The following ZNF7 variants were observed in gnomAD, a reference collection of about 807,000 sequenced individuals.
ZNF7 encodes the protein C2-H2 type zinc finger protein.
In ZNF7, 10 loss-of-function variants were observed where a neutral mutation model predicts 12.0. That is an observed-to-expected ratio of 0.83 (90% CI 0.51 to 1.42). ZNF7 has a LOEUF of 1.42. Ranked by LOEUF, ZNF7 falls within the 40% of genes most tolerant of loss-of-function variation. The pLI, the probability that ZNF7 is intolerant of heterozygous loss-of-function variation, is 0.00. For synonymous variants in ZNF7, 334 were observed against 295.0 expected (o/e 1.13, Z -1.35); for missense variants, 854 against 837.2 (o/e 1.02, Z -0.25).
intron 2 of ZNF7, 92 bp from the exon 3 acceptor site, chr8:144,829,386 C>T: frequency 6.3e-7 from 1 of 1,588,662 alleles, no homozygotes; most frequent in Non-Finnish European, 8.6e-7. Context: ...CGCCCAACCC[C>T]ATGGGGCAGC....
chr8:144,841,748 A>C lies in ZNF7; in HGVS notation c.641A>C (p.His214Pro). Reference protein sequence around the residue: ...GIRATSDIALHWEINTQKISR... With the variant: ...GIRATSDIALPWEINTQKISR... ...AGAGCCACTTCAGATATCGCTCTGC[A>C]TTGGGAAATTAATACACAGAAAATT... is the stretch of plus-strand genomic sequence containing the variant. The change falls in exon 5 of 5, where the codon CAT (histidine) becomes CCT (proline). Residue 214 changes from histidine (H) to proline (P), a missense_variant. By Grantham distance (77) the His-to-Pro change is moderately conservative. Transcript: ENST00000532777. 1 of 1,614,202 alleles carries C rather than the reference A, an allele frequency of 6.2e-7. No homozygotes were observed. Among genetic ancestry groups the C allele is most frequent in the Non-Finnish European group, 8.5e-7 (1 of 1,180,050 alleles).
Position 144,832,222 on chromosome 8 carries a change from T to G in ZNF7, c.130+2618T>G, listed in dbSNP as rs1339595847. 2.3e-5 allele frequency among the ~76,000 whole-genome samples: 2 copies of G among 88,006 alleles called. 1 individual carries two copies. The highest frequency in any genetic ancestry group is 6.7e-5 in the African/African-American group (2 of 29,870). 57.7% of individuals were successfully genotyped at this position (88,006 alleles called of 152,430 possible). Reference sequence around the variant, plus strand: ...TCAAATCAGGAGTTCAAGACCAGCCTGGGCAACACAGTGAAACCCTGTCTT... The same window carrying G: ...TCAAATCAGGAGTTCAAGACCAGCCGGGGCAACACAGTGAAACCCTGTCTT... On this transcript the variant is annotated intron_variant, in intron 3 of 4. Coordinates refer to ENST00000532777, the MANE Select transcript of ZNF7 (RefSeq NM_003416.4).
At position 144,843,414 on chromosome 8, in the gene ZNF7, C is replaced by T. The variant is rs544668647; in HGVS notation, c.*246C>T. 9 of 376,876 alleles carry T rather than the reference C, an allele frequency of 2.4e-5. No individual in the cohort carries two copies. The highest frequency in any genetic ancestry group is 9.1e-5 in the East Asian group (2 of 22,002). 23.3% of individuals were successfully genotyped at this position (376,876 alleles called of 1,614,324 possible). On this transcript the variant is annotated 3_prime_UTR_variant, in exon 5 of 5. Transcript: ENST00000532777. Reference sequence around the variant, plus strand: ...ACCATCCTGGGTAACAGGTGAAACCCCATCTCTACTAAAAATACAAAAATT... The same window carrying T: ...ACCATCCTGGGTAACAGGTGAAACCTCATCTCTACTAAAAATACAAAAATT...
At chr8:144,833,340 TG>T (rs367869104) in intron 3 of ZNF7, among the ~76,000 whole-genome samples, 5,957 of 149,936 alleles carry the variant, frequency 0.04, 382 homozygotes, top group African/African-American at 0.14. Flanking sequence ...TGGTTTGTTT[TG>T]GTTTTTTTTT....
intron 4 of ZNF7, chr8:144,838,574 G>A (rs1829369199): frequency 6.0e-6 from 1 of 165,512 alleles, no homozygotes. Flanking sequence ...CAGCAGGGCA[G>A]GACCAGGTCC....
chr8:144,829,676 G>C, intron 3 of ZNF7, 72 bp downstream of exon 3: 1 of 1,537,192 alleles, frequency 6.5e-7, no homozygotes, highest in Non-Finnish European at 8.8e-7. Flanking sequence ...CTCCATCAGA[G>C]GCTGGGGTAT....
intron 4 of ZNF7, 48 bp downstream of exon 4, chr8:144,837,555 T>G (rs1310876789): frequency 7.0e-7 from 1 of 1,429,052 alleles, no homozygotes; most frequent in East Asian, 2.3e-5. Flanking sequence ...GAGGAGAAAC[T>G]GCAGGAGGGG....
At chr8:144,828,720 C>T (rs1449323805) in intron 1 of ZNF7, 5 of 336,182 alleles carry the variant, frequency 1.5e-5, no homozygotes, top group Non-Finnish European at 5.7e-6. Context: ...TAACTCTTTC[C>T]TCCGCCAGAC....
intron 1 of ZNF7, 144 bp downstream of exon 1, chr8:144,827,753 C>T (rs1189302257): frequency 1.1e-6 from 1 of 908,774 alleles, no homozygotes; most frequent in Admixed American, 6.2e-5. Flanking sequence ...TTTGCGGGGC[C>T]TTGAGCGCCT....
intron 4 of ZNF7, chr8:144,838,397 G>A (rs1381932210): frequency 1.5e-5 from 7 of 471,482 alleles, no homozygotes; most frequent in Admixed American, 7.4e-5. Context: ...CACTGCCTCC[G>A]GCATCAGCTC....
intron 1 of ZNF7, 98 bp from the exon 2 acceptor site, chr8:144,828,945 C>A (rs746713505): frequency 6.8e-7 from 1 of 1,467,252 alleles, no homozygotes; most frequent in Non-Finnish European, 9.3e-7. Context: ...AAATCTGGGG[C>A]TGGAGGTAAA....
chr8:144,828,659 C>G (rs1828080402), intron 1 of ZNF7: 1 of 233,376 alleles, frequency 4.3e-6, no homozygotes, highest in Non-Finnish European at 8.7e-6. Flanking sequence ...TTCATAGTTC[C>G]CTGTACTTGA....
rs1563842175 is a variant in ZNF7 at position 144,841,961 on chromosome 8, A to G, written c.854A>G (p.Lys285Arg). 2 of 1,614,198 alleles carry G rather than the reference A, an allele frequency of 1.2e-6. No individual in the cohort carries two copies. Among genetic ancestry groups the G allele is most frequent in the East Asian group, 2.2e-5 (1 of 44,884 alleles). ...EKPFKCTECG[K>R]AFRLSSKLIQ... is the part of the protein sequence containing the mutation. ...CCCTTTAAATGCACTGAGTGTGGAA[A>G]AGCCTTCCGCCTGAGCTCAAAACTT... Residue 285 changes from lysine (K) to arginine (R), a missense_variant, in exon 5 of 5, where the codon AAA (lysine) becomes AGA (arginine). Lys to Arg is a conservative substitution (Grantham distance 26). Transcript: ENST00000532777.
rs1830199214 is a variant in ZNF7, at chr8:144,843,204, A to C, written c.*36A>C. On this transcript the variant is annotated 3_prime_UTR_variant, in exon 5 of 5. Transcript: ENST00000532777. ...TATAAATGTGTATATATGTGAATAA[A>C]CCTATAGCCTTAACTTACTTATTTT... is the stretch of plus-strand genomic sequence containing the variant. The C allele has an allele frequency of 1.3e-6, 2 of 1,524,702 alleles. No homozygotes were observed. The highest frequency in any genetic ancestry group is 2.2e-5 in the Admixed American group (1 of 44,646). The allele number at this position is 1,524,702 out of a possible 1,614,324, so 94.4% of individuals were successfully genotyped here.
intron 4 of ZNF7, chr8:144,838,282 CTAAT>C (rs1408988384): frequency 5.9e-5 from 35 of 591,544 alleles, no homozygotes; most frequent in East Asian, 1.1e-4. Context: ...CTCATGGTGA[CTAAT>C]TAATCTGCAA....
At chr8:144,827,828 C>T (rs1377990918) in intron 1 of ZNF7, 4 of 349,368 alleles carry the variant, frequency 1.1e-5, no homozygotes, top group African/African-American at 6.6e-5. Flanking sequence ...CTTCGTTTGG[C>T]CGAGTCTCGC....
intron 4 of ZNF7, chr8:144,838,243 C>A: frequency 3.0e-6 from 2 of 662,090 alleles, no homozygotes; most frequent in South Asian, 1.6e-5. Context: ...GGACACCAGT[C>A]ATGGTGGGTT....
chr8:144,830,196 C>A (rs139845302), intron 3 of ZNF7, among the ~76,000 whole-genome samples: 1 of 152,212 alleles, frequency 6.6e-6, no homozygotes. Flanking sequence ...CTGCATCACA[C>A]GCCCGAGAGA....
At chr8:144,839,861 G>GC (rs935115591) in intron 4 of ZNF7, among the ~76,000 whole-genome samples, 1 of 152,202 alleles carries the variant, frequency 6.6e-6, no homozygotes, top group African/African-American at 2.4e-5. Flanking sequence ...CCACCACCGT[G>GC]CCCCCTGCTG....
Sources: gnomAD v4.1 joint callset for allele counts (sites outside exome capture counted in the v4.1 genomes callset) on GRCh38, gnomAD v4.1.1 for gene constraint, MANE v1.5 for transcripts, NCBI Gene and HGNC (gene_info 2026-07-23, HGNC 2026-07-21) for gene names.